BAZ1A: variants seen among roughly 807,000 people sequenced by gnomAD.
BAZ1A encodes the protein bromodomain adjacent to zinc finger domain protein 1A.
In BAZ1A, 50 loss-of-function variants were observed where a neutral mutation model predicts 185.2. The ratio of observed to expected loss-of-function variants is 0.27; its 90% CI spans 0.22 to 0.34. The LOEUF (loss-of-function observed/expected upper bound fraction) is 0.34. Among genes scored for constraint, BAZ1A ranks in the 10% least tolerant of loss-of-function variants. The pLI is 1.00. For synonymous variants in BAZ1A, 571 were observed against 615.6 expected, an observed-to-expected ratio of 0.93 and a Z score of 1.07; for missense variants, 1,356 against 1,839.9, an observed-to-expected ratio of 0.74 and a Z score of 4.81.
At chr14:34,807,949 C>A (rs1246374644) in intron 5 of BAZ1A, among the ~76,000 whole-genome samples, 1 of 151,598 alleles carries the variant, frequency 6.6e-6, no homozygotes, top group Non-Finnish European at 1.5e-5. Flanking sequence ...ACTAAAAATA[C>A]AAAAAATTAG....
At chr14:34,844,074 C>A (rs545519625) in intron 3 of BAZ1A, among the ~76,000 whole-genome samples, 2 of 150,764 alleles carry the variant, frequency 1.3e-5, no homozygotes, top group East Asian at 2.0e-4. Context: ...GGCGTGGTAG[C>A]GGGCGCCTGT....
At chr14:34,849,063 G>C (rs529257023) in intron 3 of BAZ1A, among the ~76,000 whole-genome samples, 3 of 152,296 alleles carry the variant, frequency 2.0e-5, no homozygotes, top group African/African-American at 7.2e-5. Flanking sequence ...CTTTCAGGAG[G>C]CTGAGGCAGA....
intron 14 of BAZ1A, among the ~76,000 whole-genome samples, chr14:34,784,368 A>C (rs77758000): frequency 0.18 from 3,884 of 21,616 alleles, 265 homozygotes; most frequent in East Asian, 0.35. Context: ...ACTCTGTCTC[A>C]AAAAAAAAAA....
chr14:34,837,385 G>A (rs2042346627), intron 3 of BAZ1A, among the ~76,000 whole-genome samples: 1 of 148,840 alleles, frequency 6.7e-6, no homozygotes. Flanking sequence ...GGGACTACAG[G>A]CGAATACCAC....
chr14:34,779,819 A>G (rs1187011232), intron 17 of BAZ1A, among the ~76,000 whole-genome samples: 1 of 152,244 alleles, frequency 6.6e-6, no homozygotes, highest in African/African-American at 2.4e-5. Context: ...CTGAATGAGT[A>G]CATTATAGAA....
At chr14:34,849,456 T>C (rs887603471) in intron 3 of BAZ1A, among the ~76,000 whole-genome samples, 1 of 152,208 alleles carries the variant, frequency 6.6e-6, no homozygotes, top group African/African-American at 2.4e-5. Flanking sequence ...TATCTCTCAA[T>C]GGAATATTTG....
intron 5 of BAZ1A, 23 bp downstream of exon 5, chr14:34,810,912 A>G: frequency 6.7e-7 from 1 of 1,491,608 alleles, no homozygotes; most frequent in Non-Finnish European, 9.3e-7. Flanking sequence ...TTAAACTACT[A>G]TTGAGAAGAT....
Position 34,874,349 on chromosome 14 carries a change from A to G in BAZ1A, c.113+143T>C. ...GTTCTCCAGGTGGAGGCCAGGAGGC[A>G]GAGAACCGCGGGCCCGGGGGCCACC... is the stretch of plus-strand genomic sequence containing the variant. On this transcript the variant is annotated intron_variant, in intron 2 of 26. Transcript: ENST00000360310. This position sits in a 1 kb window ranked among gnomAD's most constrained non-coding sequence, Gnocchi z 4.7. 1.3e-6 allele frequency: 1 copy of G among 768,674 alleles called. No homozygotes were observed. Among genetic ancestry groups the G allele is most frequent in the Admixed American group, 2.5e-5 (1 of 39,466 alleles). 47.6% of individuals were successfully genotyped at this position (768,674 alleles called of 1,614,324 possible).
chr14:34,812,619 A>G (rs1384441082), intron 4 of BAZ1A, among the ~76,000 whole-genome samples: 1 of 152,228 alleles, frequency 6.6e-6, no homozygotes, highest in Non-Finnish European at 1.5e-5. Context: ...TAGCAGCAAT[A>G]GAGAGAAGAG....
At chr14:34,784,054 TC>T (rs1880237240) in intron 14 of BAZ1A, 127 bp from the exon 15 acceptor site, 1 of 829,562 alleles carries the variant, frequency 1.2e-6, no homozygotes, top group African/African-American at 1.8e-5. Context: ...CTCAAACATG[TC>T]AATGACATGT....
At chr14:34,827,728 C>T (rs2138719851) in intron 3 of BAZ1A, among the ~76,000 whole-genome samples, 1 of 107,188 alleles carries the variant, frequency 9.3e-6, no homozygotes, top group South Asian at 3.7e-4. Flanking sequence ...AAGCAAGACT[C>T]TGTCTCAAAA....
At position 34,817,230 on chromosome 14, in the gene BAZ1A, A is replaced by ACC. The variant is rs775899899; in HGVS notation, c.537-6196_537-6195dup. Among the ~76,000 whole-genome samples the ACC allele has an allele frequency of 5.5e-3, 807 of 147,620 alleles. 7 individuals are homozygous for ACC. The highest frequency in any genetic ancestry group is 0.021 in the South Asian group (95 of 4,614). ...TTTACTTATAAATATAAATCAATAC[A>ACC]CCCCCCCCCAAATATATCAAGATAT... On this transcript the variant is annotated intron_variant, in intron 4 of 26. Coordinates refer to ENST00000360310, the MANE Select transcript of BAZ1A (RefSeq NM_013448.3).
chr14:34,798,189 G>A (rs1881311075), intron 9 of BAZ1A, among the ~76,000 whole-genome samples: 1 of 152,252 alleles, frequency 6.6e-6, no homozygotes, highest in Non-Finnish European at 1.5e-5. Context: ...CAAAGCTGCT[G>A]GGAAAGCTCA....
chr14:34,768,113 A>G (rs1813501306), intron 21 of BAZ1A, among the ~76,000 whole-genome samples: 1 of 152,214 alleles, frequency 6.6e-6, no homozygotes, highest in African/African-American at 2.4e-5. Flanking sequence ...TAAAGGGCAG[A>G]AAATGTCTTG....
At chr14:34,803,952 T>A (rs1322820523) in intron 6 of BAZ1A, among the ~76,000 whole-genome samples, 1 of 152,186 alleles carries the variant, frequency 6.6e-6, no homozygotes, top group Non-Finnish European at 1.5e-5. Context: ...AGAGTTTATC[T>A]CCTTTTACCT....
At chr14:34,779,294 C>T (rs1384782522) in intron 17 of BAZ1A, among the ~76,000 whole-genome samples, 1 of 152,112 alleles carries the variant, frequency 6.6e-6, no homozygotes, top group Non-Finnish European at 1.5e-5. Flanking sequence ...TGTATTAAAG[C>T]TATACATTTT....
At chr14:34,792,548 A>G (rs984421727) in intron 12 of BAZ1A, among the ~76,000 whole-genome samples, 7 of 152,210 alleles carry the variant, frequency 4.6e-5, no homozygotes, top group African/African-American at 1.7e-4. Flanking sequence ...GAATAAAAGC[A>G]AGATAGACTG....
At chr14:34,801,302 A>AT (rs1281025686) in intron 7 of BAZ1A, 109 bp from the exon 8 acceptor site, 20 of 799,104 alleles carry the variant, frequency 2.5e-5, no homozygotes, top group Non-Finnish European at 3.5e-5. Context: ...TGATTTTTTT[A>AT]TTTTTTTGAG....
At chr14:34,834,768 T>C (rs1332218431) in intron 3 of BAZ1A, among the ~76,000 whole-genome samples, 1 of 152,130 alleles carries the variant, frequency 6.6e-6, no homozygotes, top group Non-Finnish European at 1.5e-5. Flanking sequence ...AGCTACTTGC[T>C]ACCATTTCTT....
Sources: gnomAD v4.1 joint callset for allele counts (sites outside exome capture counted in the v4.1 genomes callset) on GRCh38, gnomAD v4.1.1 for gene constraint, Gnocchi (gnomAD v3.1) non-coding constraint, MANE v1.5 for transcripts, NCBI Gene and HGNC (gene_info 2026-07-23, HGNC 2026-07-21) for gene names.